The following MYO18B variants were observed in gnomAD, a reference collection of about 807,000 sequenced individuals.
MYO18B encodes the protein unconventional myosin-XVIIIb.
A neutral mutation model predicts 273.0 loss-of-function variants in MYO18B; 204 were observed. The observed-to-expected ratio is 0.75, with a 90% confidence interval of 0.67 to 0.84. MYO18B has a LOEUF of 0.84. MYO18B is among the 40% of genes least tolerant of loss of function. The pLI is 0.00. For missense variants in MYO18B, 3,212 were observed against 3,287.6 expected (o/e 0.98, Z 0.56); for synonymous variants, 1,330 against 1,305.7 (o/e 1.02, Z -0.40).
At chr22:25,764,661 G>A (rs1320356652) in intron 3 of MYO18B, among the ~76,000 whole-genome samples, 1 of 152,220 alleles carries the variant, frequency 6.6e-6, no homozygotes, top group Non-Finnish European at 1.5e-5. Context: ...TTGTTGGGGA[G>A]GTTGACAGGG....
intron 39 of MYO18B, among the ~76,000 whole-genome samples, chr22:25,972,719 G>A (rs536373477): frequency 1.3e-5 from 2 of 152,350 alleles, no homozygotes; most frequent in African/African-American, 4.8e-5. Flanking sequence ...ACTCTGGGAA[G>A]CCGAGGCAGG....
At chr22:25,765,724 G>T (rs1212059094) in intron 3 of MYO18B, among the ~76,000 whole-genome samples, 2 of 151,660 alleles carry the variant, frequency 1.3e-5, no homozygotes, top group Non-Finnish European at 2.9e-5. Flanking sequence ...CAAAGGCTTT[G>T]ATGACTTTGA....
chr22:26,035,084 G>A (rs890393431), downstream of MYO18B, among the ~76,000 whole-genome samples: 1 of 152,210 alleles, frequency 6.6e-6, no homozygotes, highest in Non-Finnish European at 1.5e-5. Flanking sequence ...ATCCTTCTGT[G>A]TCTGCATGAT....
intron 25 of MYO18B, among the ~76,000 whole-genome samples, chr22:25,885,042 C>A (rs908374094): frequency 6.6e-6 from 1 of 152,120 alleles, no homozygotes; most frequent in Non-Finnish European, 1.5e-5. Flanking sequence ...CAGTTTTATA[C>A]CCTTCTGTGT....
intron 40 of MYO18B, among the ~76,000 whole-genome samples, chr22:26,001,456 G>C (rs1170507503): frequency 6.6e-6 from 1 of 152,108 alleles, no homozygotes; most frequent in African/African-American, 2.4e-5. Flanking sequence ...TGAGAGAGAA[G>C]CCTGATAGGA....
chr22:25,897,383 G>A (rs976289956), intron 28 of MYO18B: 2 of 152,198 alleles, frequency 1.3e-5, no homozygotes, highest in African/African-American at 2.4e-5. Flanking sequence ...TGCTGATGGT[G>A]ATGATTTTAG....
At chr22:25,987,662 A>G (rs2093217114) in intron 39 of MYO18B, among the ~76,000 whole-genome samples, 1 of 152,190 alleles carries the variant, frequency 6.6e-6, no homozygotes, top group African/African-American at 2.4e-5. Context: ...CTGCAAGAAC[A>G]TAAGCTCTGT....
At chr22:25,784,017 CAT>C (rs767492792) in intron 10 of MYO18B, among the ~76,000 whole-genome samples, 3 of 152,332 alleles carry the variant, frequency 2.0e-5, no homozygotes, top group Admixed American at 1.3e-4. Context: ...CCCATGCACT[CAT>C]GTGGGAAACT....
chr22:25,950,334 G>GAT (rs776372070), intron 36 of MYO18B, 33 bp from the exon 37 acceptor site: 46 of 1,501,068 alleles, frequency 3.1e-5, no homozygotes, highest in Non-Finnish European at 3.8e-5. Context: ...GACTCAGGGT[G>GAT]ATATATATAC....
chr22:25,950,257 G>T, intron 36 of MYO18B, 110 bp from the exon 37 acceptor site: 1 of 821,164 alleles, frequency 1.2e-6, no homozygotes, highest in Non-Finnish European at 1.9e-6. Context: ...GAAGCTCTGA[G>T]AGATGTAGAC....
chr22:25,946,127 C>A lies in MYO18B; in HGVS notation c.5518-10C>A. 1 of 1,498,858 alleles carries A rather than the reference C, an allele frequency of 6.7e-7. No individual in the cohort carries two copies. Among genetic ancestry groups the A allele is most frequent in the Non-Finnish European group, 8.9e-7 (1 of 1,121,976 alleles). The allele number at this position is 1,498,858 out of a possible 1,614,324, so 92.8% of individuals were successfully genotyped here. A position where few individuals can be genotyped will look rare whatever the true frequency, so the allele number is the denominator to read the frequency against. ...CTTTTCTTCTCTTCTCCACCTCTTG[C>A]CTGGTCCAGCTGGAGCAGAGTGAAG... On this transcript the variant is annotated splice_polypyrimidine_tract_variant and intron_variant, in intron 34 of 43. Coordinates refer to ENST00000335473, the MANE Select transcript of MYO18B (RefSeq NM_032608.7).
At chr22:25,818,214 T>C (rs1030359712) in intron 12 of MYO18B, among the ~76,000 whole-genome samples, 1 of 152,148 alleles carries the variant, frequency 6.6e-6, no homozygotes. Context: ...AATGGGGAGT[T>C]CCCTTTGAGG....
At chr22:25,802,962 C>T (rs5761211) in intron 12 of MYO18B, among the ~76,000 whole-genome samples, 1 of 133,964 alleles carries the variant, frequency 7.5e-6, no homozygotes, top group African/African-American at 2.8e-5. Context: ...TTTCTTTTTT[C>T]TTTCTTTTTT....
At chr22:25,999,076 T>G (rs190210128) in intron 40 of MYO18B, among the ~76,000 whole-genome samples, 1 of 152,328 alleles carries the variant, frequency 6.6e-6, no homozygotes, top group East Asian at 1.9e-4. Flanking sequence ...TATGTTATCC[T>G]CAAAACAACT....
intron 38 of MYO18B, 141 bp downstream of exon 38, chr22:25,952,564 C>A: frequency 8.9e-7 from 1 of 1,118,462 alleles, no homozygotes. Flanking sequence ...CTCACCCAAG[C>A]TCCCTCCCTC....
chr22:26,038,396 G>A, the MYO18B span, among the ~76,000 whole-genome samples: 1 of 152,034 alleles, frequency 6.6e-6, no homozygotes, highest in Admixed American at 6.5e-5. Context: ...GTAAAGTCAG[G>A]ACAACGATGA....
intron 21 of MYO18B, among the ~76,000 whole-genome samples, chr22:25,865,507 A>G (rs1485363563): frequency 2.0e-5 from 3 of 152,238 alleles, no homozygotes; most frequent in South Asian, 2.1e-4. Context: ...AGAGGTGACT[A>G]TAAGGATGAA....
At chr22:25,986,341 A>G (rs953479973) in intron 39 of MYO18B, among the ~76,000 whole-genome samples, 2 of 142,778 alleles carry the variant, frequency 1.4e-5, no homozygotes, top group Non-Finnish European at 3.1e-5. Flanking sequence ...GCCTATGATA[A>G]AGATAATTCT....
chr22:25,772,286 G>T (rs866741329), intron 6 of MYO18B, 48 bp from the exon 7 acceptor site: 2 of 1,574,088 alleles, frequency 1.3e-6, no homozygotes, highest in Admixed American at 1.7e-5. Context: ...GGGGCAGGGG[G>T]CCAGAAGGCC....
Sources: allele counts gnomAD v4.1 joint callset (sites outside exome capture counted in the v4.1 genomes callset), GRCh38; gene constraint gnomAD v4.1.1; transcripts MANE v1.5; gene names NCBI Gene and HGNC (gene_info 2026-07-23, HGNC 2026-07-21).